The following LRRC37A2 variants were observed in gnomAD, a reference collection of about 807,000 sequenced individuals.
The protein encoded by LRRC37A2 is leucine rich repeat containing 37 member A2.
LRRC37A2 carries 9 observed loss-of-function variants against 68.8 expected under a neutral mutation model. The observed-to-expected ratio is 0.13, with a 90% CI of 0.08 to 0.23. The LOEUF is 0.23. Ranked by LOEUF, LRRC37A2 falls within the 10% of genes least tolerant of loss-of-function variation. The pLI is 1.00. For synonymous variants in LRRC37A2, 63 were observed against 367.6 expected, an observed-to-expected ratio of 0.17 and a Z score of 9.48; for missense variants, 168 against 950.4, an observed-to-expected ratio of 0.18 and a Z score of 10.82.
the LRRC37A2 span, chr17:46,936,938 C>A: frequency 7.4e-6 from 3 of 406,730 alleles, no homozygotes; most frequent in African/African-American, 2.2e-5. Flanking sequence ...CCTTGTTTCT[C>A]TCAGTTGCTC....
At chr17:46,937,179 C>T in the LRRC37A2 span, 1 of 152,060 alleles carries the variant, frequency 6.6e-6, no homozygotes, top group Admixed American at 6.5e-5. Flanking sequence ...ATAAAATGCC[C>T]TTTTGTTTTG....
At chr17:46,405,805 C>T in the LRRC37A2 span, among the ~76,000 whole-genome samples, 7 of 89,378 alleles carry the variant, frequency 7.8e-5, no homozygotes, top group African/African-American at 3.0e-4. Flanking sequence ...CAGTCATAGA[C>T]TATGACTACC....
At chr17:47,046,165 G>A in the LRRC37A2 span, among the ~76,000 whole-genome samples, 1 of 122,540 alleles carries the variant, frequency 8.2e-6, no homozygotes, top group African/African-American at 3.1e-5. Flanking sequence ...TGTCACTACT[G>A]AAAATACAAA....
chr17:46,634,520 TA>T, the LRRC37A2 span, among the ~76,000 whole-genome samples: 1 of 119,186 alleles, frequency 8.4e-6, no homozygotes, highest in Non-Finnish European at 1.9e-5. Context: ...CTGTCTCTAC[TA>T]AAAATACAAA....
chr17:47,026,605 T>TG, the LRRC37A2 span, among the ~76,000 whole-genome samples: 1 of 152,062 alleles, frequency 6.6e-6, no homozygotes, highest in African/African-American at 2.4e-5. Context: ...AGACTAGAGA[T>TG]GGAGACATCA....
chr17:46,991,834 G>A, the LRRC37A2 span, among the ~76,000 whole-genome samples: 1 of 152,246 alleles, frequency 6.6e-6, no homozygotes, highest in Admixed American at 6.5e-5. Context: ...GTGCATTCAT[G>A]TACACATGAT....
chr17:46,440,353 C>G, the LRRC37A2 span, among the ~76,000 whole-genome samples: 1 of 74,558 alleles, frequency 1.3e-5, no homozygotes, highest in African/African-American at 3.8e-5. Flanking sequence ...GAAGAGCTCA[C>G]CACATTTCTT....
chr17:46,876,386 G>T, the LRRC37A2 span: 2 of 1,613,936 alleles, frequency 1.2e-6, no homozygotes, highest in Non-Finnish European at 1.7e-6. Context: ...GGCTGTCAAG[G>T]TGTCCAGTGC....
chr17:46,732,685 T>C, the LRRC37A2 span, among the ~76,000 whole-genome samples: 1 of 152,314 alleles, frequency 6.6e-6, no homozygotes, highest in Admixed American at 6.5e-5. Flanking sequence ...TTAGCATCTT[T>C]TTAAAACCAA....
At chr17:46,921,502 A>G in the LRRC37A2 span, among the ~76,000 whole-genome samples, 25 of 152,236 alleles carry the variant, frequency 1.6e-4, no homozygotes, top group African/African-American at 6.0e-4. Flanking sequence ...TAAACTAAAG[A>G]GCTTCTGCAC....
chr17:46,625,303 A>G, the LRRC37A2 span, among the ~76,000 whole-genome samples: 1 of 116,902 alleles, frequency 8.6e-6, no homozygotes, highest in African/African-American at 3.6e-5. Context: ...TGCCATCCAT[A>G]TGCTTCTGAG....
chr17:46,858,875 C>T, the LRRC37A2 span, among the ~76,000 whole-genome samples: 3,730 of 151,958 alleles, frequency 0.025, 154 homozygotes, highest in African/African-American at 0.086. Flanking sequence ...CTATGTTGCT[C>T]AGGCTGGTCT....
chr17:46,978,512 G>T, the LRRC37A2 span: 1 of 1,116,968 alleles, frequency 9.0e-7, no homozygotes, highest in Non-Finnish European at 1.2e-6. Flanking sequence ...GTCTCGCCGC[G>T]TCCCCGCCCG....
the LRRC37A2 span, among the ~76,000 whole-genome samples, chr17:46,837,791 G>A: frequency 6.6e-6 from 1 of 152,202 alleles, no homozygotes; most frequent in African/African-American, 2.4e-5. Flanking sequence ...TGCCTTCAGG[G>A]CTGATATGCA....
the LRRC37A2 span, among the ~76,000 whole-genome samples, chr17:46,953,045 T>A: frequency 5.3e-5 from 8 of 152,042 alleles, no homozygotes; most frequent in Non-Finnish European, 1.2e-4. Flanking sequence ...ATTTTTTATT[T>A]TTTTATTTTA....
chr17:46,841,340 G>C, the LRRC37A2 span, among the ~76,000 whole-genome samples: 1 of 152,180 alleles, frequency 6.6e-6, no homozygotes, highest in East Asian at 1.9e-4. Flanking sequence ...GTATCCTGGC[G>C]GTCCTGGATC....
the LRRC37A2 span, among the ~76,000 whole-genome samples, chr17:46,619,793 A>AC: frequency 2.3e-5 from 2 of 86,938 alleles, no homozygotes; most frequent in Non-Finnish European, 4.2e-5. Flanking sequence ...AAAAAAAAAA[A>AC]AAACCCAGAA....
chr17:46,897,366 C>T, the LRRC37A2 span, among the ~76,000 whole-genome samples: 40 of 152,180 alleles, frequency 2.6e-4, no homozygotes, highest in African/African-American at 8.7e-4. Flanking sequence ...GCCTAGAATC[C>T]GAGGCTACCA....
chr17:46,681,584 G>C, the LRRC37A2 span, among the ~76,000 whole-genome samples: 1 of 150,788 alleles, frequency 6.6e-6, no homozygotes, highest in Non-Finnish European at 1.5e-5. Context: ...CTAGTAAGCT[G>C]TACTGAATTA....
Sources: allele counts gnomAD v4.1 joint callset (sites outside exome capture counted in the v4.1 genomes callset), GRCh38; gene constraint gnomAD v4.1.1; transcripts MANE v1.5; gene names NCBI Gene and HGNC (gene_info 2026-07-23, HGNC 2026-07-21).